The following RNF216 variants were observed in gnomAD, a reference collection of about 807,000 sequenced individuals.
RNF216 encodes the protein E3 ubiquitin-protein ligase RNF216.
Under a neutral mutation model 110.8 loss-of-function variants are expected in RNF216, and 72 were observed. The ratio of observed to expected loss-of-function variants is 0.65; its 90% confidence interval spans 0.54 to 0.79. RNF216 has a LOEUF of 0.79. Ranked by LOEUF, RNF216 falls within the 30% of genes least tolerant of loss-of-function variation. The probability of loss-of-function intolerance (pLI) is 0.00; values close to 1 mark genes in which losing one functional copy is unlikely to be tolerated. For synonymous variants in RNF216, 495 were observed against 407.5 expected (o/e 1.21, Z -2.59); for missense variants, 1,342 against 1,141.2 (o/e 1.18, Z -2.54).
Position 5,621,653 on chromosome 7 carries a change from T to G in RNF216, c.*1207A>C, listed in dbSNP as rs1786371396. 6.6e-6 allele frequency: 1 copy of G among 152,256 alleles called. No homozygotes were observed. Among genetic ancestry groups the G allele is most frequent in the Admixed American group, 6.5e-5 (1 of 15,274 alleles). The allele number at this position is 152,256 out of a possible 1,614,324, so 9.4% of individuals were successfully genotyped here. ...GTCTGAGGTCTGTGAACTCCCAGCC[T>G]CTCAGAACCCCATGGCAACACGACA... On this transcript the variant is annotated 3_prime_UTR_variant, in exon 17 of 17. Transcript: ENST00000389902.
At chr7:5,715,429 T>C (rs1409996196) in intron 10 of RNF216, among the ~76,000 whole-genome samples, 2 of 152,216 alleles carry the variant, frequency 1.3e-5, no homozygotes, top group African/African-American at 4.8e-5. Context: ...TCTGGTATTC[T>C]TTAGAGTAAT....
chr7:5,719,467 G>A (rs1793276500), intron 9 of RNF216, among the ~76,000 whole-genome samples: 1 of 152,222 alleles, frequency 6.6e-6, no homozygotes, highest in Admixed American at 6.5e-5. Context: ...TCATTTGGCT[G>A]TGCCCAAAAG....
rs778522040 is a variant in RNF216, at chr7:5,647,800, C to T, written c.2159+4613G>A. On this transcript the variant is annotated intron_variant, in intron 14 of 16. Transcript: ENST00000389902. Reference sequence around the variant, plus strand: ...ATCTTAAATATTTCTTAAATTTATCCCCTCTTCTCCATTTATAATACTACA... The same window carrying T: ...ATCTTAAATATTTCTTAAATTTATCTCCTCTTCTCCATTTATAATACTACA... Among the ~76,000 whole-genome samples, 65 of 152,012 alleles carry T rather than the reference C, an allele frequency of 4.3e-4. 1 individual carries two copies. Among genetic ancestry groups the T allele is most frequent in the Non-Finnish European group, 2.5e-4 (17 of 68,014 alleles).
At chr7:5,731,155 C>G (rs146415638) in intron 5 of RNF216, among the ~76,000 whole-genome samples, 1 of 152,338 alleles carries the variant, frequency 6.6e-6, no homozygotes, top group East Asian at 1.9e-4. Flanking sequence ...AGAAAAGCAG[C>G]TACTCTTTGT....
chr7:5,622,981 G>A lies in RNF216; in HGVS notation c.2651C>T (p.Pro884Leu). Residue 884 changes from proline (P) to leucine (L), a missense_variant, in exon 17 of 17, where the codon CCA becomes CTA. Transcript: ENST00000389902. ...NNFPLNMGPI[P>L]APYVPPLPNV... is the part of the protein sequence containing the mutation. ...GGGCAGAGGGGGCACGTACGGGGCT[G>A]GGATAGGCCCCATGTTGAGTGGGAA... The A allele has an allele frequency of 6.2e-7, 1 of 1,614,066 alleles. No individual in the cohort carries two copies. The highest frequency in any genetic ancestry group is 1.1e-5 in the South Asian group (1 of 91,086).
intron 13 of RNF216, among the ~76,000 whole-genome samples, chr7:5,688,868 A>G (rs1171432164): frequency 1.3e-5 from 2 of 152,242 alleles, no homozygotes; most frequent in African/African-American, 4.8e-5. Flanking sequence ...AACAGCTACT[A>G]ACATTACTGT....
intron 7 of RNF216, among the ~76,000 whole-genome samples, chr7:5,728,954 T>G (rs1023250840): frequency 1.3e-5 from 2 of 152,114 alleles, no homozygotes; most frequent in African/African-American, 4.8e-5. Flanking sequence ...ACCAAGGCCT[T>G]TAAGTGCCAT....
chr7:5,729,787 G>A (rs927422980), intron 6 of RNF216, among the ~76,000 whole-genome samples, 191 bp from the exon 7 acceptor site: 2 of 152,164 alleles, frequency 1.3e-5, no homozygotes, highest in Non-Finnish European at 2.9e-5. Context: ...GTCTGGAGCC[G>A]ACAGACTAGT....
chr7:5,731,219 T>TA (rs751671958), intron 5 of RNF216, among the ~76,000 whole-genome samples: 3 of 152,074 alleles, frequency 2.0e-5, no homozygotes, highest in Admixed American at 6.5e-5. Context: ...ACATTTACAG[T>TA]AAAAAACAGT....
At chr7:5,738,966 A>G (rs1794596388) in intron 5 of RNF216, among the ~76,000 whole-genome samples, 1 of 152,202 alleles carries the variant, frequency 6.6e-6, no homozygotes, top group Non-Finnish European at 1.5e-5. Flanking sequence ...CAAGTGAAAT[A>G]AGCCAGTCAG....
intron 13 of RNF216, among the ~76,000 whole-genome samples, chr7:5,655,398 G>T (rs1463275009): frequency 6.6e-6 from 1 of 152,222 alleles, no homozygotes; most frequent in Non-Finnish European, 1.5e-5. Flanking sequence ...AGACATTAGA[G>T]ACCAGCCTGG....
intron 1 of RNF216, chr7:5,777,692 T>C (rs1286468046): frequency 2.0e-5 from 3 of 152,258 alleles, no homozygotes; most frequent in East Asian, 1.9e-4. Context: ...GTGTTAACTT[T>C]AATATGTGGA....
rs563663788 is a variant in RNF216 at position 5,649,446 on chromosome 7, C to A, written c.2159+2967G>T. ...ATCACTCAAGCTCAGGAGGTCAAGG[C>A]TAAGGTTAGCTGTGATTGTGCCATT... On this transcript the variant is annotated intron_variant, in intron 14 of 16. Transcript: ENST00000389902. Among the ~76,000 whole-genome samples, 12 of 151,824 alleles carry A rather than the reference C, an allele frequency of 7.9e-5. No individual in the cohort carries two copies. The South Asian group carries it at 2.5e-3, about 32-fold the overall frequency.
chr7:5,705,438 C>G (rs1325497473), intron 13 of RNF216, among the ~76,000 whole-genome samples: 1 of 152,196 alleles, frequency 6.6e-6, no homozygotes, highest in African/African-American at 2.4e-5. Context: ...CTCAAATCTG[C>G]TCCTGTTCTC....
chr7:5,686,292 C>T lies in RNF216; in HGVS notation c.2061+25469G>A, dbSNP rs145111310. 4.6e-5 allele frequency among the ~76,000 whole-genome samples: 7 copies of T among 151,442 alleles called. No homozygotes were observed. In the East Asian group the frequency reaches 7.8e-4, roughly 17 times the overall value. ...ACTCTCAAGAACACCACTGCTGCCA[C>T]GTGGTTTCTGTGGGGGCTTCTGACA... On this transcript the variant is annotated intron_variant, in intron 13 of 16. Transcript: ENST00000389902.
intron 13 of RNF216, among the ~76,000 whole-genome samples, chr7:5,673,188 C>T (rs553529587): frequency 1.5e-4 from 23 of 152,188 alleles, no homozygotes; most frequent in Non-Finnish European, 2.4e-4. Context: ...CCAGCACCAC[C>T]CCAAGCGGGG....
At chr7:5,763,139 A>G (rs1030543323) in intron 1 of RNF216, among the ~76,000 whole-genome samples, 1 of 152,166 alleles carries the variant, frequency 6.6e-6, no homozygotes, top group African/African-American at 2.4e-5. Flanking sequence ...ACCCATGTCT[A>G]TTATGGAAGG....
At position 5,621,182 on chromosome 7, in the gene RNF216, T is replaced by C. The variant is rs930171076; in HGVS notation, c.*1678A>G. 2 of 151,814 alleles carry C rather than the reference T, an allele frequency of 1.3e-5. No homozygotes were observed. Among genetic ancestry groups the C allele is most frequent in the African/African-American group, 4.8e-5 (2 of 41,330 alleles). 9.4% of individuals were successfully genotyped at this position (151,814 alleles called of 1,614,324 possible). On this transcript the variant is annotated 3_prime_UTR_variant, in exon 17 of 17. Transcript: ENST00000389902. ...GAATGGGTATCTTAGTTTTTTTTTT[T>C]TTTTTTTTAAAGATAGAGTTTTGCT...
chr7:5,781,256 C>G (rs987377139), intron 1 of RNF216, among the ~76,000 whole-genome samples: 5 of 152,110 alleles, frequency 3.3e-5, no homozygotes, highest in African/African-American at 9.7e-5. Context: ...GCAGCAGACC[C>G]GAGGGGCCGG....
Sources: allele counts gnomAD v4.1 joint callset (sites outside exome capture counted in the v4.1 genomes callset), GRCh38; gene constraint gnomAD v4.1.1; transcripts MANE v1.5; gene names NCBI Gene and HGNC (gene_info 2026-07-23, HGNC 2026-07-21).